Variants in IQUB observed in about 807,000 individuals in gnomAD.
IQUB encodes IQ motif and ubiquitin-like domain-containing protein.
A neutral mutation model predicts 86.4 loss-of-function variants in IQUB; 86 were observed. The observed-to-expected ratio is 1.00, with a 90% CI of 0.84 to 1.19. IQUB has a LOEUF of 1.19. Ranked by LOEUF, IQUB falls within the 50% of genes most tolerant of loss-of-function variation. IQUB has a pLI of 0.00. For synonymous variants in IQUB, 289 were observed against 304.5 expected (o/e 0.95, Z 0.53); for missense variants, 946 against 916.9 (o/e 1.03, Z -0.41).
chr7:123,513,366 A>ATATTTTATATCTTATC (rs1199461616), intron 1 of IQUB, among the ~76,000 whole-genome samples: 2 of 152,220 alleles, frequency 1.3e-5, no homozygotes, highest in Non-Finnish European at 2.9e-5. Context: ...ATATAGAATG[A>ATATTTTATATCTTATC]TGCAAACAGA....
intron 10 of IQUB, among the ~76,000 whole-genome samples, chr7:123,464,528 C>A (rs1034112251): frequency 2.6e-5 from 4 of 151,796 alleles, no homozygotes; most frequent in African/African-American, 9.7e-5. Flanking sequence ...CCAGGGGAAA[C>A]CAACGGTATG....
chr7:123,503,178 T>C (rs776703581), intron 4 of IQUB, 24 bp downstream of exon 4: 15 of 1,608,808 alleles, frequency 9.3e-6, no homozygotes, highest in Non-Finnish European at 1.2e-5. Flanking sequence ...AAATACTTTA[T>C]CTAAAAGACA....
rs186375764 is a variant in IQUB, at chr7:123,496,450, A to G, written c.1234+246T>C. On this transcript the variant is annotated intron_variant, in intron 7 of 12. Coordinates refer to ENST00000324698, the MANE Select transcript of IQUB (RefSeq NM_178827.5). ...TGAGGATCAAATGAAATAATATACT[A>G]AAACTGCATAATTCACAAAGCAGTA... Among the ~76,000 whole-genome samples, 3 of 152,254 alleles carry G rather than the reference A, an allele frequency of 2.0e-5. No homozygotes were observed. The East Asian group carries it at 5.8e-4, about 29-fold the overall frequency.
chr7:123,475,655 G>C (rs1232792613), intron 8 of IQUB, among the ~76,000 whole-genome samples: 1 of 152,088 alleles, frequency 6.6e-6, no homozygotes, highest in Admixed American at 6.6e-5. Context: ...GCAGGAAATA[G>C]AAAACAGTAT....
In IQUB at chr7:123,457,410, C is replaced by T; in HGVS notation, c.2164G>A (p.Ala722Thr). 6.2e-7 allele frequency: 1 copy of T among 1,612,016 alleles called. No homozygotes were observed. The highest frequency in any genetic ancestry group is 1.7e-5 in the Admixed American group (1 of 59,654). ...TCAATACTTGTTAGCTTGAGATGAG[C>T]AGCTGCTTCATCTTTGGTAAGAAGA... Reference protein sequence around the residue: ...CILLTKDEAAAHLKLTSIEEG... With the variant: ...CILLTKDEAATHLKLTSIEEG... The change falls in exon 12 of 13, where the codon GCT becomes ACT. Residue 722 changes from alanine (A) to threonine (T), a missense_variant. Ala to Thr is a moderately conservative substitution (Grantham distance 58). Transcript: ENST00000324698.
Position 123,496,773 on chromosome 7 carries a change from C to T in IQUB, c.1157G>A (p.Trp386Ter). Residue 386 changes from tryptophan (W) to a stop codon, truncating the protein, a stop_gained, in exon 7 of 13, where the codon TGG becomes TAG. Coordinates refer to ENST00000324698, the MANE Select transcript of IQUB (RefSeq NM_178827.5). LOFTEE classifies it high-confidence loss of function. The part of the protein sequence containing the change: ...ELRKIREKEE[W>*]IKLDYHRRHN... Reference sequence around the variant, plus strand: ...CCTCCGGTGATAGTCCAATTTTATCCATTCTTCTTTTTCTCTTATCTTCCT... The same window carrying T: ...CCTCCGGTGATAGTCCAATTTTATCTATTCTTCTTTTTCTCTTATCTTCCT... 1.2e-6 allele frequency: 2 copies of T among 1,611,672 alleles called. No individual in the cohort carries two copies. Among genetic ancestry groups the T allele is most frequent in the African/African-American group, 2.7e-5 (2 of 74,960 alleles).
At chr7:123,471,700 T>C (rs149764649) in intron 8 of IQUB, among the ~76,000 whole-genome samples, 79 of 152,296 alleles carry the variant, frequency 5.2e-4, no homozygotes, top group Admixed American at 3.3e-3. Context: ...AAATACATTC[T>C]TCATCTAAGT....
At chr7:123,532,943 T>C (rs1562884210) in intron 1 of IQUB, 2 of 152,330 alleles carry the variant, frequency 1.3e-5, no homozygotes, top group Admixed American at 1.3e-4. Flanking sequence ...AGGCCGGCAG[T>C]TGCTCGGAGC....
intron 1 of IQUB, among the ~76,000 whole-genome samples, chr7:123,530,534 A>G (rs555992628): frequency 1.6e-4 from 24 of 152,236 alleles, no homozygotes; most frequent in Non-Finnish European, 1.5e-5. Context: ...GCACTTTTTA[A>G]TTTTCAGGGA....
rs1793589693 is a variant in IQUB at position 123,454,347 on chromosome 7, T to C, written c.2194-1422A>G. Among the ~76,000 whole-genome samples, 3 of 152,092 alleles carry C rather than the reference T, an allele frequency of 2.0e-5. No homozygotes were observed. The South Asian group carries it at 6.2e-4, about 31-fold the overall frequency. On this transcript the variant is annotated intron_variant, in intron 12 of 12. Coordinates refer to ENST00000324698, the MANE Select transcript of IQUB (RefSeq NM_178827.5). ...TATATGTGTTCAAGGCACTAATAAG[T>C]AACTCTTAAATAACTGAATATATTT...
intron 3 of IQUB, among the ~76,000 whole-genome samples, chr7:123,505,482 A>G (rs1198610997): frequency 6.6e-6 from 1 of 152,206 alleles, no homozygotes; most frequent in Non-Finnish European, 1.5e-5. Context: ...ATCTAGGCAG[A>G]GGCTCCCAAG....
rs1351448103 is a variant in IQUB, at chr7:123,516,520, CTA to C, written c.-4-4178_-4-4177del. Among the ~76,000 whole-genome samples the C allele has an allele frequency of 3.9e-5, 6 of 152,028 alleles. No homozygotes were observed. The South Asian group carries it at 6.3e-4, about 16-fold the overall frequency. The stretch of plus-strand genomic sequence containing the variant: ...AAGAGGAAGAGGAGGATGAAGTACT[CTA>C]TATGTTGACAGAAGTCACACTCCAA... On this transcript the variant is annotated intron_variant, in intron 1 of 12. Coordinates refer to ENST00000324698, the MANE Select transcript of IQUB (RefSeq NM_178827.5).
chr7:123,469,524 A>C, intron 8 of IQUB, 140 bp from the exon 9 acceptor site: 1 of 459,642 alleles, frequency 2.2e-6, no homozygotes, highest in Non-Finnish European at 3.7e-6. Flanking sequence ...AATTAATTTA[A>C]GAATTTGCAG....
At chr7:123,461,241 C>T (rs984353205) in intron 11 of IQUB, 116 bp downstream of exon 11, 27 of 1,050,160 alleles carry the variant, frequency 2.6e-5, no homozygotes, top group Middle Eastern at 2.2e-4. Flanking sequence ...AGCTTACAGT[C>T]TAGTGGAATA....
chr7:123,519,347 T>C (rs1370636692), intron 1 of IQUB, among the ~76,000 whole-genome samples: 3 of 152,178 alleles, frequency 2.0e-5, no homozygotes, highest in African/African-American at 4.8e-5. Context: ...ATTGAAGAGA[T>C]ATCTGCACTC....
At chr7:123,504,951 CAAGT>C (rs1376313059) in intron 3 of IQUB, among the ~76,000 whole-genome samples, 2 of 152,196 alleles carry the variant, frequency 1.3e-5, no homozygotes, top group Non-Finnish European at 2.9e-5. Context: ...AAATCAAAAA[CAAGT>C]TAGTTACTTC....
intron 1 of IQUB, among the ~76,000 whole-genome samples, chr7:123,530,749 T>C (rs1436093996): frequency 2.0e-5 from 3 of 148,556 alleles, no homozygotes; most frequent in Non-Finnish European, 4.4e-5. Context: ...CGATCTTGGC[T>C]TACTGCAAAC....
chr7:123,507,367 GAGCACACTTAAGGT>G, intron 3 of IQUB, among the ~76,000 whole-genome samples: 1 of 152,260 alleles, frequency 6.6e-6, no homozygotes, highest in East Asian at 1.9e-4. Flanking sequence ...TAACTATTCT[GAGCACACTTAAGGT>G]AGGCTAGGCT....
chr7:123,525,136 C>G (rs1797131079), intron 1 of IQUB, among the ~76,000 whole-genome samples: 1 of 152,172 alleles, frequency 6.6e-6, no homozygotes. Context: ...CATCAATGTT[C>G]ATCAAGGATA....
Sources: allele counts gnomAD v4.1 joint callset (sites outside exome capture counted in the v4.1 genomes callset), GRCh38; gene constraint gnomAD v4.1.1; transcripts MANE v1.5; gene names NCBI Gene and HGNC (gene_info 2026-07-23, HGNC 2026-07-21).